The following PACRG variants were observed in gnomAD, a reference collection of about 807,000 sequenced individuals.
PACRG encodes parkin coregulated.
PACRG carries 29 observed loss-of-function variants against 29.7 expected under a neutral mutation model. The ratio of observed to expected loss-of-function variants is 0.98; its 90% CI spans 0.73 to 1.33. The LOEUF (loss-of-function observed/expected upper bound fraction) is 1.33. PACRG is among the 40% of genes most tolerant of loss of function. The pLI is 0.00. For synonymous variants in PACRG, 116 were observed against 118.7 expected (o/e 0.98, Z 0.15); for missense variants, 279 against 316.2 (o/e 0.88, Z 0.89).
intron 4 of PACRG, among the ~76,000 whole-genome samples, chr6:163,105,155 A>G (rs141238956): frequency 2.6e-5 from 4 of 152,248 alleles, no homozygotes; most frequent in African/African-American, 7.2e-5. Context: ...TGCAAATAAA[A>G]CCTTTCCTGA....
chr6:163,195,858 T>A (rs1780430518), intron 4 of PACRG, among the ~76,000 whole-genome samples: 1 of 152,172 alleles, frequency 6.6e-6, no homozygotes, highest in African/African-American at 2.4e-5. Context: ...CGCCCCTGGG[T>A]GTCTCCGCTG....
At chr6:162,778,935 T>C (rs1562587941) in intron 1 of PACRG, among the ~76,000 whole-genome samples, 1 of 152,208 alleles carries the variant, frequency 6.6e-6, no homozygotes, top group Non-Finnish European at 1.5e-5. Flanking sequence ...GTTTCATAGG[T>C]AAACGTGTGC....
At chr6:162,937,236 A>G (rs1248498059) in intron 2 of PACRG, among the ~76,000 whole-genome samples, 1 of 152,236 alleles carries the variant, frequency 6.6e-6, no homozygotes, top group African/African-American at 2.4e-5. Flanking sequence ...CACATTTTAA[A>G]AAGTAAAATA....
chr6:162,864,084 C>T (rs1208493502), intron 2 of PACRG, among the ~76,000 whole-genome samples: 1 of 152,138 alleles, frequency 6.6e-6, no homozygotes, highest in African/African-American at 2.4e-5. Flanking sequence ...GTCCCAATGA[C>T]AATCTAATTA....
chr6:163,202,735 A>G (rs1310769227), intron 4 of PACRG, among the ~76,000 whole-genome samples: 2 of 152,208 alleles, frequency 1.3e-5, no homozygotes, highest in Non-Finnish European at 2.9e-5. Context: ...CCATACCAAA[A>G]AAAAGTAATA....
At chr6:162,823,117 C>T (rs1787980427) in intron 2 of PACRG, among the ~76,000 whole-genome samples, 1 of 152,086 alleles carries the variant, frequency 6.6e-6, no homozygotes, top group Non-Finnish European at 1.5e-5. Context: ...TGTCAAGATG[C>T]TATGTATATA....
intron 1 of PACRG, among the ~76,000 whole-genome samples, chr6:162,788,410 A>T (rs1206783374): frequency 1.3e-5 from 2 of 152,138 alleles, no homozygotes; most frequent in Non-Finnish European, 2.9e-5. Flanking sequence ...TTATCCATTC[A>T]CCCACTGAAG....
At chr6:163,149,321 C>G (rs2128337708) in intron 4 of PACRG, among the ~76,000 whole-genome samples, 1 of 152,276 alleles carries the variant, frequency 6.6e-6, no homozygotes, top group Non-Finnish European at 1.5e-5. Context: ...AGCCGGCTCC[C>G]CCTTCCATCC....
At chr6:162,969,170 T>C (rs1188535181) in intron 2 of PACRG, among the ~76,000 whole-genome samples, 2 of 152,070 alleles carry the variant, frequency 1.3e-5, no homozygotes, top group African/African-American at 2.4e-5. Context: ...TAGTACTTGG[T>C]ATAGATTTTC....
At chr6:162,964,250 C>G (rs9456824) in intron 2 of PACRG, among the ~76,000 whole-genome samples, 1 of 152,036 alleles carries the variant, frequency 6.6e-6, no homozygotes, top group South Asian at 2.1e-4. Flanking sequence ...AAAACTTACT[C>G]TTCTTGTCTA....
chr6:162,910,011 A>G (rs1796199513), intron 2 of PACRG, among the ~76,000 whole-genome samples: 1 of 152,232 alleles, frequency 6.6e-6, no homozygotes, highest in Non-Finnish European at 1.5e-5. Context: ...TTAGAGCTAG[A>G]ATGCCTGGGC....
At chr6:163,000,370 T>C (rs1404994261) in intron 2 of PACRG, among the ~76,000 whole-genome samples, 3 of 152,172 alleles carry the variant, frequency 2.0e-5, no homozygotes, top group African/African-American at 4.8e-5. Context: ...CTGAGAACAC[T>C]GTTGGAGATC....
Position 162,895,911 on chromosome 6 carries a change from G to A in PACRG, c.291+81630G>A, listed in dbSNP as rs535999191. Among the ~76,000 whole-genome samples, 10 of 152,248 alleles carry A rather than the reference G, an allele frequency of 6.6e-5. No homozygotes were observed. In the East Asian group the frequency reaches 1.2e-3, roughly 18 times the overall value. ...TATTATTTGTAACTTTTTCTTTGTA[G>A]TGTTTACTGTGAAGATAGCTGAATG... On this transcript the variant is annotated intron_variant, in intron 2 of 4. Coordinates refer to ENST00000366888, the MANE Select transcript of PACRG (RefSeq NM_001080379.2).
intron 4 of PACRG, among the ~76,000 whole-genome samples, chr6:163,158,569 A>G (rs1436860430): frequency 6.6e-6 from 1 of 152,240 alleles, no homozygotes; most frequent in Admixed American, 6.5e-5. Context: ...GTTATTCAGA[A>G]GTAAGCTCCC....
intron 1 of PACRG, among the ~76,000 whole-genome samples, chr6:162,778,203 C>T (rs1248703288): frequency 1.3e-5 from 2 of 152,070 alleles, no homozygotes; most frequent in African/African-American, 2.4e-5. Flanking sequence ...TGAGTCAGCA[C>T]GGTGATTGTG....
chr6:162,994,661 T>C (rs1803792339), intron 2 of PACRG, among the ~76,000 whole-genome samples: 2 of 139,378 alleles, frequency 1.4e-5, no homozygotes, highest in Non-Finnish European at 3.0e-5. Context: ...TTTCAAAGTT[T>C]TCAACTTCTT....
chr6:163,003,129 G>A (rs1023577324), intron 2 of PACRG, among the ~76,000 whole-genome samples: 2 of 152,132 alleles, frequency 1.3e-5, no homozygotes, highest in African/African-American at 4.8e-5. Flanking sequence ...TGGCAGTCTA[G>A]TGCCAATCGA....
chr6:162,884,957 CA>C (rs1794207487), intron 2 of PACRG, among the ~76,000 whole-genome samples: 1 of 152,184 alleles, frequency 6.6e-6, no homozygotes, highest in Admixed American at 6.5e-5. Flanking sequence ...CTTAAACAGA[CA>C]GAAGTTCTCT....
At position 162,848,024 on chromosome 6, in the gene PACRG, C is replaced by A. The variant is rs571247106; in HGVS notation, c.291+33743C>A. On this transcript the variant is annotated intron_variant, in intron 2 of 4. Transcript: ENST00000366888. ...AAGCCCCCAAGTTGCTCCTTAGTGA[C>A]CCCGGCAGGAGTGAGGACAGCGGGA... Among the ~76,000 whole-genome samples the A allele has an allele frequency of 2.7e-4, 41 of 152,186 alleles. 1 individual carries two copies. Among genetic ancestry groups the A allele is most frequent in the Admixed American group, 2.2e-3 (34 of 15,290 alleles).
Sources: allele counts gnomAD v4.1 joint callset (sites outside exome capture counted in the v4.1 genomes callset), GRCh38; gene constraint gnomAD v4.1.1; transcripts MANE v1.5; gene names NCBI Gene and HGNC (gene_info 2026-07-23, HGNC 2026-07-21).